DET1: variants seen among roughly 807,000 people sequenced by gnomAD.
DET1 encodes DET1 partner of COP1 E3 ubiquitin ligase.
A neutral mutation model predicts 43.7 loss-of-function variants in DET1; 22 were observed. The ratio of observed to expected loss-of-function variants is 0.50; its 90% CI spans 0.36 to 0.72. The LOEUF (loss-of-function observed/expected upper bound fraction) is 0.72. Ranked by LOEUF, DET1 falls within the 30% of genes least tolerant of loss-of-function variation. The pLI, the probability that DET1 is intolerant of heterozygous loss-of-function variation, is 0.00. For synonymous variants in DET1, 315 were observed against 266.2 expected (o/e 1.18, Z -1.79); for missense variants, 713 against 713.3 (o/e 1.00, Z 0.00).
At chr15:88,525,320 G>C (rs2056631952) in intron 3 of DET1, among the ~76,000 whole-genome samples, 1 of 151,872 alleles carries the variant, frequency 6.6e-6, no homozygotes, top group African/African-American at 2.4e-5. Context: ...AATATGTGAG[G>C]GTACCCCCAA....
At chr15:88,507,490 C>G (rs2056153681), downstream of DET1, among the ~76,000 whole-genome samples, 2 of 152,220 alleles carry the variant, frequency 1.3e-5, no homozygotes, top group South Asian at 4.1e-4. Context: ...CCATCTCCCA[C>G]ACATCCGACT....
At chr15:88,535,783 G>A (rs779368920) in intron 1 of DET1, among the ~76,000 whole-genome samples, 9 of 151,124 alleles carry the variant, frequency 6.0e-5, no homozygotes, top group Admixed American at 1.3e-4. Flanking sequence ...AGAAAGAAAG[G>A]AAGGAAGGGG....
rs10658727 is a variant in DET1 at position 88,525,827 on chromosome 15, ATTTTTT to A, written c.1271+1766_1271+1771del. 1.3e-4 allele frequency among the ~76,000 whole-genome samples: 12 copies of A among 90,682 alleles called. No homozygotes were observed. In the South Asian group the frequency reaches 4.0e-3, roughly 30 times the overall value. 59.5% of individuals were successfully genotyped at this position (90,682 alleles called of 152,430 possible). A position where few individuals can be genotyped will look rare whatever the true frequency, so the allele number is the denominator to read the frequency against. ...CAGGCATGCACCACCACACTCGGCT[ATTTTTT>A]TTTTTTTTTTTTTTTGCATTTTTTG... On this transcript the variant is annotated intron_variant, in intron 3 of 4. Coordinates refer to ENST00000268148, the MANE Select transcript of DET1 (RefSeq NM_001144074.3).
At position 88,535,497 on chromosome 15, in the gene DET1, C is replaced by T. The variant is rs117414419; in HGVS notation, c.-10-3782G>A. Among the ~76,000 whole-genome samples, 1,162 of 151,882 alleles carry T rather than the reference C, an allele frequency of 7.7e-3. 34 individuals carry two copies. In the East Asian group the frequency reaches 0.091, roughly 12 times the overall value. On this transcript the variant is annotated intron_variant, in intron 1 of 4. Coordinates refer to ENST00000268148, the MANE Select transcript of DET1 (RefSeq NM_001144074.3). ...ATAGTTGGTGGTGGTGGCACACATC[C>T]ATAATCCCAGAACTTTGGGAGGCTG...
At chr15:88,539,253 C>T (rs1014935026) in intron 1 of DET1, among the ~76,000 whole-genome samples, 3 of 151,526 alleles carry the variant, frequency 2.0e-5, no homozygotes, top group South Asian at 2.1e-4. Context: ...GCGAAAGCTA[C>T]ACAGTTTGAG....
chr15:88,512,273 G>T, downstream of DET1: 2 of 863,154 alleles, frequency 2.3e-6, no homozygotes, highest in African/African-American at 1.8e-5. Context: ...AGTTCCTCCA[G>T]CTGTGACAAT....
intron 3 of DET1, among the ~76,000 whole-genome samples, chr15:88,523,477 CCT>C (rs2056560723): frequency 6.6e-6 from 1 of 152,140 alleles, no homozygotes; most frequent in South Asian, 2.1e-4. Context: ...ACACAGTCTC[CCT>C]CTGATGCCAA....
downstream of DET1, among the ~76,000 whole-genome samples, chr15:88,510,474 G>A (rs1266094916): frequency 6.6e-6 from 1 of 152,148 alleles, no homozygotes; most frequent in African/African-American, 2.4e-5. Flanking sequence ...TATGAAGAAA[G>A]GTTAGTTCAG....
chr15:88,534,919 A>C (rs2056908874), intron 1 of DET1, among the ~76,000 whole-genome samples: 1 of 152,250 alleles, frequency 6.6e-6, no homozygotes, highest in South Asian at 2.1e-4. Flanking sequence ...ATCATTCAGC[A>C]TATGAAGTAC....
chr15:88,510,881 C>T (rs536955390), downstream of DET1, among the ~76,000 whole-genome samples: 3 of 151,078 alleles, frequency 2.0e-5, no homozygotes, highest in East Asian at 5.9e-4. Flanking sequence ...TCACGCCATT[C>T]TCCTGCCTCA....
chr15:88,516,822 C>G lies in DET1; in HGVS notation c.1423G>C (p.Val475Leu), dbSNP rs751877519. The G allele has an allele frequency of 6.2e-7, 1 of 1,608,136 alleles. No individual in the cohort carries two copies. The highest frequency in any genetic ancestry group is 1.3e-5 in the African/African-American group (1 of 74,614). ...LFSYDDKWVS[V>L]MERPKTCGDH... Reference sequence around the variant, plus strand: ...CCACAAGTCTTGGGCCGCTCCATGACAGATACCCACTTGTCATCATAACTG... The same window carrying G: ...CCACAAGTCTTGGGCCGCTCCATGAGAGATACCCACTTGTCATCATAACTG... The change falls in exon 4 of 5, where the codon GTC (valine) becomes CTC (leucine). Residue 475 changes from valine (V) to leucine (L), a missense_variant. Physicochemically the swap from Val to Leu is conservative, Grantham distance 32 (BLOSUM62 1). Transcript: ENST00000268148. This position sits in a 1 kb window ranked among gnomAD's most constrained non-coding sequence, Gnocchi z 4.4.
intron 2 of DET1, 47 bp from the exon 3 acceptor site, chr15:88,527,833 C>T (rs1872997353): frequency 7.2e-7 from 1 of 1,388,552 alleles, no homozygotes; most frequent in Non-Finnish European, 9.4e-7. Context: ...AGTATAATGC[C>T]ATGCGTAGGA....
chr15:88,534,296 C>T (rs146467244), intron 1 of DET1, among the ~76,000 whole-genome samples: 145 of 152,280 alleles, frequency 9.5e-4, no homozygotes, highest in African/African-American at 3.4e-3. Flanking sequence ...AATAATCAAA[C>T]ACCACCTTCT....
At chr15:88,544,233 G>A (rs1458367006) in intron 1 of DET1, among the ~76,000 whole-genome samples, 1 of 152,138 alleles carries the variant, frequency 6.6e-6, no homozygotes. Context: ...CTCTGGGCAG[G>A]TAGAACACAT....
Position 88,531,366 on chromosome 15 carries a change from C to T in DET1, c.340G>A (p.Val114Met). The T allele has an allele frequency of 6.2e-7, 1 of 1,614,056 alleles. No homozygotes were observed. Among genetic ancestry groups the T allele is most frequent in the Non-Finnish European group, 8.5e-7 (1 of 1,179,898 alleles). Residue 114 changes from valine (V) to methionine (M), a missense_variant, in exon 2 of 5, where the codon GTG (valine) becomes ATG (methionine). Coordinates refer to ENST00000268148, the MANE Select transcript of DET1 (RefSeq NM_001144074.3). The surrounding 1 kb of genome is among the most constrained non-coding windows in gnomAD (Gnocchi z 6.2). ...ILSNGNDQRSVNIRGRLFERF... is the reference protein window; with the variant it reads ...ILSNGNDQRSMNIRGRLFERF... ...TCAAAGAGCCGGCCCCGGATATTCA[C>T]TGACCGCTGGTCATTGCCATTGGAC...
intron 4 of DET1, among the ~76,000 whole-genome samples, chr15:88,514,619 T>C (rs763661807): frequency 3.3e-5 from 5 of 152,206 alleles, no homozygotes; most frequent in Non-Finnish European, 5.9e-5. Context: ...ATTAGGACTG[T>C]AATTGTGAGG....
chr15:88,529,508 T>C (rs1024450731), intron 2 of DET1, among the ~76,000 whole-genome samples: 1 of 152,186 alleles, frequency 6.6e-6, no homozygotes, highest in African/African-American at 2.4e-5. Context: ...TCTCTAACCA[T>C]ATTACTCCCC....
intron 1 of DET1, among the ~76,000 whole-genome samples, chr15:88,533,807 C>T (rs1206068959): frequency 7.8e-6 from 1 of 128,504 alleles, no homozygotes; most frequent in East Asian, 2.3e-4. Context: ...CACTTGAGCC[C>T]AGGAGTTTGA....
At chr15:88,515,689 T>C (rs1468660546) in intron 4 of DET1, among the ~76,000 whole-genome samples, 3 of 152,120 alleles carry the variant, frequency 2.0e-5, no homozygotes, top group Non-Finnish European at 2.9e-5. Flanking sequence ...TATTTGAAGA[T>C]ATTAAAGATT....
Sources: gnomAD v4.1 joint callset for allele counts (sites outside exome capture counted in the v4.1 genomes callset) on GRCh38, gnomAD v4.1.1 for gene constraint, Gnocchi (gnomAD v3.1) non-coding constraint, MANE v1.5 for transcripts, NCBI Gene and HGNC (gene_info 2026-07-23, HGNC 2026-07-21) for gene names.